Variants in ASPHD2 observed in about 807,000 individuals in gnomAD.
The protein encoded by ASPHD2 is aspartate beta-hydroxylase domain-containing protein 2.
ASPHD2 carries 12 observed loss-of-function variants against 34.6 expected under a neutral mutation model. The ratio of observed to expected loss-of-function variants is 0.35; its 90% CI spans 0.22 to 0.56. The LOEUF (loss-of-function observed/expected upper bound fraction) is 0.56. Among genes scored for constraint, ASPHD2 ranks in the 20% least tolerant of loss-of-function variants. ASPHD2 has a pLI of 0.87. For missense variants in ASPHD2, 375 were observed against 505.0 expected (o/e 0.74, Z 2.47); for synonymous variants, 224 against 212.2 (o/e 1.06, Z -0.48).
chr22:26,437,165 G>A (rs2084797641), intron 2 of ASPHD2, among the ~76,000 whole-genome samples: 2 of 152,202 alleles, frequency 1.3e-5, no homozygotes, highest in Admixed American at 1.3e-4. Flanking sequence ...AGGGAGTCCA[G>A]AGAATGAGGT....
At chr22:26,434,555 T>C in intron 2 of ASPHD2, 54 bp downstream of exon 2, 1 of 1,510,308 alleles carries the variant, frequency 6.6e-7, no homozygotes, top group South Asian at 1.3e-5. Context: ...GCTCAGCCCC[T>C]CTCCATCAAA....
intron 1 of ASPHD2, among the ~76,000 whole-genome samples, chr22:26,432,568 G>A (rs2084763863): frequency 6.6e-6 from 1 of 152,226 alleles, no homozygotes; most frequent in African/African-American, 2.4e-5. Flanking sequence ...AGGACAATGA[G>A]AGTTCCGGGC....
chr22:26,437,364 C>T (rs76631461), intron 2 of ASPHD2, among the ~76,000 whole-genome samples: 7,918 of 152,268 alleles, frequency 0.052, 689 homozygotes, highest in African/African-American at 0.18. Flanking sequence ...AGCCACTGCT[C>T]CTCACTAACA....
chr22:26,440,190 G>A (rs1214526047), intron 2 of ASPHD2, among the ~76,000 whole-genome samples: 1 of 152,222 alleles, frequency 6.6e-6, no homozygotes, highest in Non-Finnish European at 1.5e-5. Flanking sequence ...AGGTAGTGAT[G>A]GGGGCCAAGT....
chr22:26,438,432 T>C (rs2084806182), intron 2 of ASPHD2, among the ~76,000 whole-genome samples: 3 of 149,736 alleles, frequency 2.0e-5, no homozygotes, highest in Non-Finnish European at 4.4e-5. Flanking sequence ...CACAGATATA[T>C]ACACACATAC....
At chr22:26,441,193 G>T (rs1263263127) in intron 2 of ASPHD2, among the ~76,000 whole-genome samples, 2 of 152,212 alleles carry the variant, frequency 1.3e-5, no homozygotes, top group African/African-American at 4.8e-5. Flanking sequence ...GTGAAAGGAG[G>T]TGGCCAGGAG....
chr22:26,430,372 C>G (rs1347038429), intron 1 of ASPHD2, among the ~76,000 whole-genome samples: 3 of 152,330 alleles, frequency 2.0e-5, no homozygotes, highest in East Asian at 1.9e-4. Context: ...TCCAACTGGC[C>G]ATGGATTTGG....
intron 1 of ASPHD2, among the ~76,000 whole-genome samples, chr22:26,430,894 T>C (rs1331120257): frequency 6.6e-6 from 1 of 152,170 alleles, no homozygotes; most frequent in Non-Finnish European, 1.5e-5. Context: ...ATGGCTGGCT[T>C]AGTACAGAAG....
At chr22:26,438,636 T>TATATATATAC (rs1568984122) in intron 2 of ASPHD2, among the ~76,000 whole-genome samples, 2 of 49,370 alleles carry the variant, frequency 4.1e-5, no homozygotes, top group East Asian at 4.7e-4. Context: ...TATATATACA[T>TATATATATAC]ATATATATAC....
Position 26,443,330 on chromosome 22 carries a change from ATTT to A in ASPHD2, c.*125_*127del. ...AAACCTGCCTCAGCGGAAAGCTCTTATTTGGGATTTTATATCATGTCGGGTCCC... is the reference window on the plus strand; with the variant it reads ...AAACCTGCCTCAGCGGAAAGCTCTTAGGGATTTTATATCATGTCGGGTCCC... On this transcript the variant is annotated 3_prime_UTR_variant, in exon 4 of 4. Transcript: ENST00000215906. 1 of 758,906 alleles carries A rather than the reference ATTT, an allele frequency of 1.3e-6. No homozygotes were observed. The highest frequency in any genetic ancestry group is 2.2e-6 in the Non-Finnish European group (1 of 457,454). 47.0% of individuals were successfully genotyped at this position (758,906 alleles called of 1,614,324 possible). A position where few individuals can be genotyped will look rare whatever the true frequency, so the allele number is the denominator to read the frequency against.
In ASPHD2 at chr22:26,443,983, G is replaced by A. The variant is rs766888412; in HGVS notation, c.*777G>A. 2 of 152,228 alleles carry A rather than the reference G, an allele frequency of 1.3e-5. No individual in the cohort carries two copies. The highest frequency in any genetic ancestry group is 1.5e-5 in the Non-Finnish European group (1 of 68,048). The allele number at this position is 152,228 out of a possible 1,614,324, so 9.4% of individuals were successfully genotyped here. ...GGCTCACACAGATCAGCCACGGAACGTGTGATCCGCTTACCTCACTGCCTA... is the reference window on the plus strand; with the variant it reads ...GGCTCACACAGATCAGCCACGGAACATGTGATCCGCTTACCTCACTGCCTA... On this transcript the variant is annotated 3_prime_UTR_variant, in exon 4 of 4. Coordinates refer to ENST00000215906, the MANE Select transcript of ASPHD2 (RefSeq NM_020437.5).
Position 26,434,155 on chromosome 22 carries a change from C to G in ASPHD2, c.540C>G (p.Ser180=). The G allele has an allele frequency of 6.2e-7, 1 of 1,612,306 alleles. No homozygotes were observed. Residue 180 remains serine, a synonymous_variant, in exon 2 of 4, where the codon TCC becomes TCG. Coordinates refer to ENST00000215906, the MANE Select transcript of ASPHD2 (RefSeq NM_020437.5). ...ACCTGCCCACCACGCCCTATTTCTC[C>G]CGGGACGCACAGAAACATGATGTGG... is the stretch of plus-strand genomic sequence containing the variant. The part of the protein sequence containing the change: ...LPDLPTTPYF[S]RDAQKHDVEV...
chr22:26,442,393 C>A, intron 2 of ASPHD2, 66 bp from the exon 3 acceptor site: 2 of 1,217,528 alleles, frequency 1.6e-6, no homozygotes, highest in Non-Finnish European at 2.3e-6. Context: ...GCAAATCACC[C>A]CCTATCTCCT....
chr22:26,432,459 A>G (rs2084763082), intron 1 of ASPHD2, among the ~76,000 whole-genome samples: 1 of 152,226 alleles, frequency 6.6e-6, no homozygotes, highest in African/African-American at 2.4e-5. Flanking sequence ...ATTGTATTAG[A>G]AGAAGCAGGA....
chr22:26,438,690 C>T (rs2084817428), intron 2 of ASPHD2, among the ~76,000 whole-genome samples: 2 of 147,184 alleles, frequency 1.4e-5, no homozygotes, highest in Admixed American at 6.8e-5. Flanking sequence ...CACACACACA[C>T]ACACATATAT....
At chr22:26,431,010 C>T (rs1228314196) in intron 1 of ASPHD2, among the ~76,000 whole-genome samples, 1 of 152,184 alleles carries the variant, frequency 6.6e-6, no homozygotes, top group Non-Finnish European at 1.5e-5. Context: ...AAGTGATCAG[C>T]AGGGCTGATG....
Position 26,433,998 on chromosome 22 carries a change from A to C in ASPHD2, c.383A>C (p.His128Pro), listed in dbSNP as rs1437612434. 1.2e-6 allele frequency: 2 copies of C among 1,613,386 alleles called. No homozygotes were observed. The highest frequency in any genetic ancestry group is 2.7e-5 in the African/African-American group (2 of 74,944). The part of the protein sequence containing the change: ...HNEGLNQKLY[H>P]NLQEYAKRYS... Reference sequence around the variant, plus strand: ...GAGGGCCTCAACCAGAAGCTGTACCACAACCTGCAGGAGTACGCCAAGCGC... The same window carrying C: ...GAGGGCCTCAACCAGAAGCTGTACCCCAACCTGCAGGAGTACGCCAAGCGC... Residue 128 changes from histidine (H) to proline (P), a missense_variant, in exon 2 of 4, where the codon CAC becomes CCC. By Grantham distance (77) the His-to-Pro change is moderately conservative (BLOSUM62 -2). Around this residue, in one of 3 missense-constraint regions of ASPHD2, gnomAD observed 223 missense variants for 257.8 expected, o/e 0.87. Transcript: ENST00000215906. The surrounding 1 kb of genome is among the most constrained non-coding windows in gnomAD (Gnocchi z 5.1).
chr22:26,429,283 G>T lies in ASPHD2; in HGVS notation c.-428G>T, dbSNP rs929067772. On this transcript the variant is annotated 5_prime_UTR_variant, in exon 1 of 4. Coordinates refer to ENST00000215906, the MANE Select transcript of ASPHD2 (RefSeq NM_020437.5). The surrounding 1 kb of genome is among the most constrained non-coding windows in gnomAD (Gnocchi z 4.5). ...GGAGTTGTGGTCTTCGCGGCCCCGC[G>T]GAGCGCAGCGCGGCGTCGGCACCGG... The T allele has an allele frequency of 2.0e-4, 30 of 147,470 alleles. No homozygotes were observed. The highest frequency in any genetic ancestry group is 6.6e-4 in the African/African-American group (27 of 40,718). The allele number at this position is 147,470 out of a possible 1,614,324, so 9.1% of individuals were successfully genotyped here.
chr22:26,436,707 T>C (rs1219006063), intron 2 of ASPHD2, among the ~76,000 whole-genome samples: 2 of 152,178 alleles, frequency 1.3e-5, no homozygotes, highest in African/African-American at 2.4e-5. Flanking sequence ...CAGAATGACA[T>C]CTGGGGAAGG....
Sources: gnomAD v4.1 joint callset for allele counts (sites outside exome capture counted in the v4.1 genomes callset) on GRCh38, gnomAD v4.1.1 for gene constraint, gnomAD v4.1.1 regional missense constraint, Gnocchi (gnomAD v3.1) non-coding constraint, MANE v1.5 for transcripts, NCBI Gene and HGNC (gene_info 2026-07-23, HGNC 2026-07-21) for gene names.